The following KCNB2 variants were observed in gnomAD, a reference collection of about 807,000 sequenced individuals.
KCNB2 encodes potassium voltage-gated channel subfamily B member 2.
Under a neutral mutation model 61.5 loss-of-function variants are expected in KCNB2, and 15 were observed. The observed-to-expected ratio is 0.24, with a 90% CI of 0.16 to 0.38. KCNB2 has a LOEUF of 0.38. Among genes scored for constraint, KCNB2 ranks in the 10% least tolerant of loss-of-function variants. The probability of loss-of-function intolerance (pLI) is 1.00; values close to 1 mark genes in which losing one functional copy is unlikely to be tolerated. For synonymous variants in KCNB2, 457 were observed against 446.0 expected, an observed-to-expected ratio of 1.02 and a Z score of -0.31; for missense variants, 828 against 1,125.2, an observed-to-expected ratio of 0.74 and a Z score of 3.78.
intron 2 of KCNB2, among the ~76,000 whole-genome samples, chr8:72,648,661 A>T (rs1415414632): frequency 2.0e-5 from 3 of 151,770 alleles, no homozygotes; most frequent in Non-Finnish European, 4.4e-5. Context: ...TAATATATTC[A>T]GTTTTTGCCT....
chr8:72,582,821 A>T (rs1377585955), intron 2 of KCNB2, among the ~76,000 whole-genome samples: 1 of 151,966 alleles, frequency 6.6e-6, no homozygotes, highest in Non-Finnish European at 1.5e-5. Context: ...AGGTCTTGGG[A>T]TGTTGCCAGC....
intron 2 of KCNB2, among the ~76,000 whole-genome samples, chr8:72,901,038 G>T (rs1563418088): frequency 6.6e-6 from 1 of 152,142 alleles, no homozygotes; most frequent in East Asian, 1.9e-4. Flanking sequence ...ACACACTCAG[G>T]TTCACTGCAG....
chr8:72,907,086 C>T (rs922069162), intron 2 of KCNB2, among the ~76,000 whole-genome samples: 6 of 152,126 alleles, frequency 3.9e-5, no homozygotes, highest in African/African-American at 1.4e-4. Flanking sequence ...AGGCTGTGCA[C>T]GTTGGCGCAC....
chr8:72,836,785 C>T (rs1246171794), intron 2 of KCNB2, among the ~76,000 whole-genome samples: 1 of 152,116 alleles, frequency 6.6e-6, no homozygotes, highest in Admixed American at 6.6e-5. Flanking sequence ...GTGGCACATA[C>T]CTGTAGTCCC....
At chr8:72,627,246 A>T (rs185182124) in intron 2 of KCNB2, among the ~76,000 whole-genome samples, 4 of 152,344 alleles carry the variant, frequency 2.6e-5, no homozygotes, top group Admixed American at 2.6e-4. Context: ...AGGATTGCAA[A>T]TGCTGAATCT....
At chr8:72,658,403 AG>A (rs773219150) in intron 2 of KCNB2, among the ~76,000 whole-genome samples, 1 of 152,194 alleles carries the variant, frequency 6.6e-6, no homozygotes, top group East Asian at 1.9e-4. Flanking sequence ...GAGAGAGGTA[AG>A]GAAACTGTTA....
intron 1 of KCNB2, among the ~76,000 whole-genome samples, chr8:72,557,024 C>A (rs1263832916): frequency 6.6e-6 from 1 of 152,054 alleles, no homozygotes; most frequent in Non-Finnish European, 1.5e-5. Flanking sequence ...GTTCTATAGA[C>A]ACTAATCCCA....
chr8:72,631,406 T>G (rs1400719969), intron 2 of KCNB2, among the ~76,000 whole-genome samples: 3 of 152,214 alleles, frequency 2.0e-5, no homozygotes, highest in Non-Finnish European at 4.4e-5. Flanking sequence ...ATCCTTAACA[T>G]TCATTGGCTT....
chr8:72,751,152 G>A (rs1474117385), intron 2 of KCNB2: 1 of 152,100 alleles, frequency 6.6e-6, no homozygotes, highest in East Asian at 1.9e-4. Flanking sequence ...AGGAGACAGA[G>A]ACAGACAGAC....
chr8:72,833,142 T>C (rs1809726344), intron 2 of KCNB2, among the ~76,000 whole-genome samples: 1 of 152,180 alleles, frequency 6.6e-6, no homozygotes, highest in Non-Finnish European at 1.5e-5. Flanking sequence ...GAAGGTAACG[T>C]TGGTTTTGGA....
Position 72,922,969 on chromosome 8 carries a change from G to T in KCNB2, c.580-12966G>T, listed in dbSNP as rs536526569. Among the ~76,000 whole-genome samples, 7 of 149,004 alleles carry T rather than the reference G, an allele frequency of 4.7e-5. No homozygotes were observed. The South Asian group carries it at 1.3e-3, about 28-fold the overall frequency. On this transcript the variant is annotated intron_variant, in intron 2 of 2. Coordinates refer to ENST00000523207, the MANE Select transcript of KCNB2 (RefSeq NM_004770.3). ...ATAAGACTTGAATCAAACAATATAT[G>T]TAAGATGTACATTGGTTTTGTCTGG...
intron 2 of KCNB2, among the ~76,000 whole-genome samples, chr8:72,840,176 C>T (rs1356831689): frequency 6.6e-6 from 1 of 152,028 alleles, no homozygotes; most frequent in African/African-American, 2.4e-5. Flanking sequence ...TTTTCTGTTC[C>T]TGTGTTACTT....
chr8:72,570,383 A>T (rs1025873768), intron 2 of KCNB2, among the ~76,000 whole-genome samples: 1 of 152,140 alleles, frequency 6.6e-6, no homozygotes, highest in Admixed American at 6.5e-5. Flanking sequence ...ATGTTTATTT[A>T]TATGTCTACA....
chr8:72,635,045 T>C (rs1301399641), intron 2 of KCNB2, among the ~76,000 whole-genome samples: 2 of 152,152 alleles, frequency 1.3e-5, no homozygotes, highest in African/African-American at 4.8e-5. Flanking sequence ...GCAGGTGTGG[T>C]CTGAATGTGT....
At chr8:72,896,844 C>A (rs150284723) in intron 2 of KCNB2, among the ~76,000 whole-genome samples, 1 of 152,066 alleles carries the variant, frequency 6.6e-6, no homozygotes, top group African/African-American at 2.4e-5. Flanking sequence ...ATCTTCAAGC[C>A]TAACAAAGAC....
chr8:72,650,753 A>T (rs1365466583), intron 2 of KCNB2, among the ~76,000 whole-genome samples: 1 of 152,146 alleles, frequency 6.6e-6, no homozygotes, highest in Non-Finnish European at 1.5e-5. Flanking sequence ...TTTTAAAAGG[A>T]CAGTCAACAT....
chr8:72,648,966 T>A (rs187802929), intron 2 of KCNB2, among the ~76,000 whole-genome samples: 16 of 151,192 alleles, frequency 1.1e-4, no homozygotes, highest in South Asian at 8.4e-4. Flanking sequence ...ATTGTGCAAG[T>A]TTTTTTATTT....
intron 2 of KCNB2, among the ~76,000 whole-genome samples, chr8:72,918,649 T>A (rs1264798425): frequency 6.6e-6 from 1 of 152,208 alleles, no homozygotes; most frequent in Non-Finnish European, 1.5e-5. Context: ...TATATTTTAT[T>A]ATGTTTATAT....
At chr8:72,540,851 T>C (rs1224913135) in intron 1 of KCNB2, among the ~76,000 whole-genome samples, 1 of 152,114 alleles carries the variant, frequency 6.6e-6, no homozygotes, top group Non-Finnish European at 1.5e-5. Flanking sequence ...GCTATCTGAT[T>C]TGATGTCCCA....
Sources: allele counts gnomAD v4.1 joint callset (sites outside exome capture counted in the v4.1 genomes callset), GRCh38; gene constraint gnomAD v4.1.1; transcripts MANE v1.5; gene names NCBI Gene and HGNC (gene_info 2026-07-23, HGNC 2026-07-21).